ST6GALNAC5: variants seen among roughly 807,000 people sequenced by gnomAD.
The protein encoded by ST6GALNAC5 is ST6 N-acetylgalactosaminide alpha-2,6-sialyltransferase 5, also known as alpha-N-acetylgalactosaminide alpha-2,6-sialyltransferase 5.
ST6GALNAC5 carries 27 observed loss-of-function variants against 33.6 expected under a neutral mutation model. That is an observed-to-expected ratio of 0.80 (90% CI 0.59 to 1.11). ST6GALNAC5 has a LOEUF of 1.11. ST6GALNAC5 is among the 50% of genes least tolerant of loss of function. The probability of loss-of-function intolerance (pLI) is 0.00; values close to 1 mark genes in which losing one functional copy is unlikely to be tolerated. For missense variants in ST6GALNAC5, 428 were observed against 454.0 expected (o/e 0.94, Z 0.52); for synonymous variants, 194 against 171.2 (o/e 1.13, Z -1.04).
chr1:76,913,810 C>G (rs1007141709), intron 2 of ST6GALNAC5, among the ~76,000 whole-genome samples: 1 of 152,114 alleles, frequency 6.6e-6, no homozygotes, highest in Admixed American at 6.6e-5. Flanking sequence ...TCTCACCACT[C>G]CTTTTCAACA....
intron 2 of ST6GALNAC5, among the ~76,000 whole-genome samples, chr1:77,011,257 C>T (rs565692444): frequency 1.6e-4 from 25 of 152,270 alleles, no homozygotes; most frequent in African/African-American, 2.2e-4. Context: ...TATGTAGAAA[C>T]GGTCTTGTTT....
At chr1:77,059,780 C>G (rs1188504522) in intron 4 of ST6GALNAC5, among the ~76,000 whole-genome samples, 2 of 152,106 alleles carry the variant, frequency 1.3e-5, no homozygotes, top group Non-Finnish European at 2.9e-5. Flanking sequence ...TTCCTAGTCC[C>G]TCATTTTTTC....
chr1:76,907,183 C>T (rs1368784934), intron 2 of ST6GALNAC5, among the ~76,000 whole-genome samples: 1 of 152,130 alleles, frequency 6.6e-6, no homozygotes, highest in Non-Finnish European at 1.5e-5. Context: ...GGATCCAAGA[C>T]TCAACTCTCC....
intron 2 of ST6GALNAC5, among the ~76,000 whole-genome samples, chr1:76,944,328 A>T (rs1450300068): frequency 2.0e-5 from 3 of 152,214 alleles, no homozygotes; most frequent in East Asian, 3.9e-4. Flanking sequence ...CAAGAATGTG[A>T]TATTCATTAT....
At chr1:76,891,346 C>G (rs1263592742) in intron 2 of ST6GALNAC5, among the ~76,000 whole-genome samples, 1 of 152,148 alleles carries the variant, frequency 6.6e-6, no homozygotes, top group Admixed American at 6.5e-5. Flanking sequence ...TTTAATGAAG[C>G]ATGATGTTAA....
intron 4 of ST6GALNAC5, among the ~76,000 whole-genome samples, chr1:77,055,695 A>G (rs1438712454): frequency 1.3e-5 from 2 of 152,188 alleles, no homozygotes. Context: ...TGTCTGAGTC[A>G]GACCTACTGG....
chr1:76,960,493 C>G (rs928299718), intron 2 of ST6GALNAC5, among the ~76,000 whole-genome samples: 4 of 152,136 alleles, frequency 2.6e-5, no homozygotes, highest in Admixed American at 2.0e-4. Context: ...TTGATAACAT[C>G]TTATCAGGAG....
rs146239399 is a variant in ST6GALNAC5 at position 76,938,004 on chromosome 1, G to T, written c.261+69262G>T. Reference sequence around the variant, plus strand: ...GGAAGAAAAGAACTTAGAGGAAAAGGTTACATTTAAGGGTAGGCTCTAAGA... The same window carrying T: ...GGAAGAAAAGAACTTAGAGGAAAAGTTTACATTTAAGGGTAGGCTCTAAGA... On this transcript the variant is annotated intron_variant, in intron 2 of 4. Coordinates refer to ENST00000477717, the MANE Select transcript of ST6GALNAC5 (RefSeq NM_030965.3). Among the ~76,000 whole-genome samples, 75 of 151,876 alleles carry T rather than the reference G, an allele frequency of 4.9e-4. 1 individual carries two copies. The highest frequency in any genetic ancestry group is 1.3e-3 in the Admixed American group (20 of 15,234).
At chr1:77,004,286 G>A (rs1486574601) in intron 2 of ST6GALNAC5, among the ~76,000 whole-genome samples, 2 of 149,638 alleles carry the variant, frequency 1.3e-5, no homozygotes, top group African/African-American at 4.9e-5. Flanking sequence ...GATCGCATCA[G>A]CTCCTGAGGC....
intron 2 of ST6GALNAC5, among the ~76,000 whole-genome samples, chr1:76,906,905 C>T (rs1646869337): frequency 6.6e-6 from 1 of 152,218 alleles, no homozygotes; most frequent in South Asian, 2.1e-4. Context: ...CTACTGTTTC[C>T]TCATTCTTTT....
At chr1:76,867,971 T>C (rs1653382812) in intron 1 of ST6GALNAC5, among the ~76,000 whole-genome samples, 1 of 150,890 alleles carries the variant, frequency 6.6e-6, no homozygotes, top group Non-Finnish European at 1.5e-5. Flanking sequence ...GATGGAGGAG[T>C]GGGCAGATTG....
At chr1:77,038,052 T>G (rs1651710678) in intron 2 of ST6GALNAC5, among the ~76,000 whole-genome samples, 1 of 152,206 alleles carries the variant, frequency 6.6e-6, no homozygotes, top group Non-Finnish European at 1.5e-5. Flanking sequence ...TCAAATTACC[T>G]TTCTAATGAG....
intron 2 of ST6GALNAC5, among the ~76,000 whole-genome samples, chr1:77,017,170 G>A (rs1009050382): frequency 3.4e-5 from 5 of 147,420 alleles, no homozygotes; most frequent in African/African-American, 7.6e-5. Context: ...AAAAAAAAAG[G>A]TAAAGACACA....
At chr1:76,909,379 T>TA (rs146987189) in intron 2 of ST6GALNAC5, among the ~76,000 whole-genome samples, 5,546 of 152,184 alleles carry the variant, frequency 0.036, 351 homozygotes, top group African/African-American at 0.13. Flanking sequence ...ATTCTGCTGT[T>TA]TAAAGGATCA....
intron 2 of ST6GALNAC5, among the ~76,000 whole-genome samples, chr1:76,898,534 C>A (rs189770309): frequency 1.4e-4 from 22 of 152,140 alleles, no homozygotes; most frequent in African/African-American, 4.8e-4. Context: ...GCCTTTTGAC[C>A]TTTTAGGGTC....
At chr1:76,895,356 C>T (rs866627190) in intron 2 of ST6GALNAC5, among the ~76,000 whole-genome samples, 15 of 151,664 alleles carry the variant, frequency 9.9e-5, no homozygotes, top group Middle Eastern at 3.2e-3. Flanking sequence ...GGATTAGGGG[C>T]GGCGTGGGAA....
At chr1:76,966,333 G>C (rs892193426) in intron 2 of ST6GALNAC5, among the ~76,000 whole-genome samples, 1 of 152,144 alleles carries the variant, frequency 6.6e-6, no homozygotes, top group Non-Finnish European at 1.5e-5. Flanking sequence ...TTGTAAGTTG[G>C]ATTTCTAAGT....
intron 2 of ST6GALNAC5, among the ~76,000 whole-genome samples, chr1:77,027,131 G>C (rs549264975): frequency 6.6e-6 from 1 of 152,238 alleles, no homozygotes; most frequent in East Asian, 1.9e-4. Context: ...CCACTGCTCA[G>C]TGCTTCTGGA....
At chr1:76,947,939 C>T (rs1031822249) in intron 2 of ST6GALNAC5, among the ~76,000 whole-genome samples, 9 of 152,116 alleles carry the variant, frequency 5.9e-5, no homozygotes, top group African/African-American at 1.7e-4. Context: ...GTCCTGCATT[C>T]TTGCCTTCTT....
Sources: gnomAD v4.1 joint callset for allele counts (sites outside exome capture counted in the v4.1 genomes callset) on GRCh38, gnomAD v4.1.1 for gene constraint, MANE v1.5 for transcripts, NCBI Gene and HGNC (gene_info 2026-07-23, HGNC 2026-07-21) for gene names.